The following SBF2 variants were observed in gnomAD, a reference collection of about 807,000 sequenced individuals.
SBF2 encodes SET binding factor 2.
A neutral mutation model predicts 225.2 loss-of-function variants in SBF2; 112 were observed. The observed-to-expected ratio is 0.50, with a 90% CI of 0.43 to 0.58. The LOEUF (loss-of-function observed/expected upper bound fraction) is 0.58, where lower values mean the gene tolerates loss of function less well. Ranked by LOEUF, SBF2 falls within the 20% of genes least tolerant of loss-of-function variation. The pLI is 0.00. For missense variants in SBF2, 1,996 were observed against 2,206.2 expected, an observed-to-expected ratio of 0.90 and a Z score of 1.91; for synonymous variants, 763 against 773.3, an observed-to-expected ratio of 0.99 and a Z score of 0.22.
At position 9,787,726 on chromosome 11, in the gene SBF2, AT is replaced by A; in HGVS notation, c.4944del (p.Lys1648AsnfsTer6). 6.2e-7 allele frequency: 1 copy of A among 1,614,058 alleles called. No homozygotes were observed. On this transcript the variant is annotated frameshift_variant, in exon 36 of 40. Coordinates refer to ENST00000256190, the MANE Select transcript of SBF2 (RefSeq NM_030962.4). LOFTEE classifies it high-confidence loss of function. ...ALTSLFSEIE[K>X]LEHKLNQAPE... ...GGGGCTTGGTTCAATTTGTGCTCCA[AT>A]TTTTCAATTTCCTGCAAAGAAATTA...
chr11:9,833,523 C>T (rs1214328186), intron 26 of SBF2, among the ~76,000 whole-genome samples: 2 of 150,710 alleles, frequency 1.3e-5, no homozygotes, highest in African/African-American at 2.4e-5. Context: ...CGGGTTCACG[C>T]CATTCTCCTG....
intron 34 of SBF2, among the ~76,000 whole-genome samples, chr11:9,790,352 T>C (rs991053095): frequency 2.0e-5 from 3 of 152,274 alleles, no homozygotes; most frequent in African/African-American, 7.2e-5. Flanking sequence ...AGCCAGCTCC[T>C]AATTTTTGTG....
At chr11:9,890,763 C>G (rs6483792) in intron 17 of SBF2, among the ~76,000 whole-genome samples, 2 of 152,040 alleles carry the variant, frequency 1.3e-5, no homozygotes, top group African/African-American at 4.8e-5. Flanking sequence ...CCAGGAAACC[C>G]TTTGGAATAC....
chr11:9,914,956 T>C (rs1033533981), intron 16 of SBF2, among the ~76,000 whole-genome samples: 11 of 151,932 alleles, frequency 7.2e-5, no homozygotes, highest in Admixed American at 3.9e-4. Flanking sequence ...AGAAAATCTC[T>C]GTAACTTTTG....
intron 38 of SBF2, among the ~76,000 whole-genome samples, chr11:9,782,304 A>G (rs1852066008): frequency 6.6e-6 from 1 of 152,232 alleles, no homozygotes; most frequent in South Asian, 2.1e-4. Context: ...ATAAAGTAGA[A>G]AAATGCTCAA....
chr11:10,074,980 C>A (rs946097436), intron 2 of SBF2, among the ~76,000 whole-genome samples: 1 of 152,126 alleles, frequency 6.6e-6, no homozygotes, highest in African/African-American at 2.4e-5. Flanking sequence ...TTAGGGAGAA[C>A]GTGTTAACAT....
At chr11:10,053,754 G>A (rs1029918584) in intron 2 of SBF2, among the ~76,000 whole-genome samples, 12 of 149,272 alleles carry the variant, frequency 8.0e-5, no homozygotes, top group African/African-American at 2.5e-4. Flanking sequence ...ACCTTGTCTC[G>A]GAAAAAAAAA....
intron 3 of SBF2, among the ~76,000 whole-genome samples, chr11:10,040,265 A>C (rs1303478850): frequency 6.6e-6 from 1 of 152,026 alleles, no homozygotes; most frequent in Non-Finnish European, 1.5e-5. Context: ...AATTAACATC[A>C]TCAGTGAGGG....
chr11:10,167,413 TA>T (rs1956007436), intron 2 of SBF2, among the ~76,000 whole-genome samples: 1 of 151,632 alleles, frequency 6.6e-6, no homozygotes, highest in African/African-American at 2.4e-5. Context: ...AAATAAAAAT[TA>T]AAAAATTAGC....
At chr11:9,946,437 T>TTTTCTTTC (rs149020480) in intron 16 of SBF2, among the ~76,000 whole-genome samples, 24 of 148,644 alleles carry the variant, frequency 1.6e-4, no homozygotes, top group Non-Finnish European at 3.1e-4. Context: ...ATATTTCTTT[T>TTTTCTTTC]TTTCTTTCTT....
chr11:10,139,408 T>C (rs1954538802), intron 2 of SBF2, among the ~76,000 whole-genome samples: 1 of 152,200 alleles, frequency 6.6e-6, no homozygotes, highest in African/African-American at 2.4e-5. Context: ...TCAAAGACTG[T>C]AGTCACTAGA....
At chr11:10,238,212 C>G (rs1965680113) in intron 1 of SBF2, among the ~76,000 whole-genome samples, 2 of 152,106 alleles carry the variant, frequency 1.3e-5, no homozygotes, top group African/African-American at 4.8e-5. Flanking sequence ...AGCTCGAGAT[C>G]AGCCTGGGCA....
At chr11:9,993,515 T>C (rs563678170) in intron 10 of SBF2, among the ~76,000 whole-genome samples, 2 of 152,380 alleles carry the variant, frequency 1.3e-5, no homozygotes, top group East Asian at 1.9e-4. Context: ...ACTATTTTCA[T>C]CCACAGACTC....
At chr11:10,243,698 A>G (rs1959467474) in intron 1 of SBF2, among the ~76,000 whole-genome samples, 1 of 152,096 alleles carries the variant, frequency 6.6e-6, no homozygotes, top group South Asian at 2.1e-4. Flanking sequence ...AAATTGGACA[A>G]CCTAAACAGA....
rs186337642 is a variant in SBF2 at position 9,968,563 on chromosome 11, G to C, written c.1396-18C>G. On this transcript the variant is annotated intron_variant, in intron 13 of 39. Transcript: ENST00000256190. The stretch of plus-strand genomic sequence containing the variant: ...GGATTCTCCTGTAATATCAGACATA[G>C]GTAAAATTACTCCAAGTTAAAATAA... 1 of 1,595,494 alleles carries C rather than the reference G, an allele frequency of 6.3e-7. No individual in the cohort carries two copies. The highest frequency in any genetic ancestry group is 1.3e-5 in the African/African-American group (1 of 74,658).
intron 16 of SBF2, among the ~76,000 whole-genome samples, chr11:9,914,141 A>T (rs1862877659): frequency 6.6e-6 from 1 of 152,258 alleles, no homozygotes; most frequent in African/African-American, 2.4e-5. Context: ...GTATGTTGAA[A>T]TTATCAGACC....
chr11:10,026,534 C>G (rs2134618918), intron 6 of SBF2, among the ~76,000 whole-genome samples: 1 of 152,222 alleles, frequency 6.6e-6, no homozygotes, highest in South Asian at 2.1e-4. Flanking sequence ...AGTCTGAGAA[C>G]AGCCTGGGCA....
Position 9,816,739 on chromosome 11 carries a change from T to C in SBF2, c.3978+101A>G. On this transcript the variant is annotated intron_variant, in intron 29 of 39. Coordinates refer to ENST00000256190, the MANE Select transcript of SBF2 (RefSeq NM_030962.4). ...ATTATTAACTCCAGGTTAAGAATCA[T>C]GCTGTAAAAAAAATTCTAGCAAAGC... The C allele has an allele frequency of 2.7e-6, 3 of 1,124,796 alleles. No individual in the cohort carries two copies. In the South Asian group the frequency reaches 4.3e-5, roughly 16 times the overall value. 69.7% of individuals were successfully genotyped at this position (1,124,796 alleles called of 1,614,324 possible). A position where few individuals can be genotyped will look rare whatever the true frequency, so the allele number is the denominator to read the frequency against.
chr11:9,920,704 T>C (rs1863548414), intron 16 of SBF2, among the ~76,000 whole-genome samples: 1 of 152,170 alleles, frequency 6.6e-6, no homozygotes, highest in East Asian at 1.9e-4. Context: ...AAATACTAGC[T>C]GCAGAAGGAG....
Sources: gnomAD v4.1 joint callset for allele counts (sites outside exome capture counted in the v4.1 genomes callset) on GRCh38, gnomAD v4.1.1 for gene constraint, MANE v1.5 for transcripts, NCBI Gene and HGNC (gene_info 2026-07-23, HGNC 2026-07-21) for gene names.